Variants in GPR89A observed in about 807,000 individuals in gnomAD.
The protein encoded by GPR89A is golgi pH regulator A, also known as G protein-coupled receptor 89A.
In GPR89A, 16 loss-of-function variants were observed where a neutral mutation model predicts 52.0. The observed-to-expected ratio is 0.31, with a 90% CI of 0.21 to 0.47. GPR89A has a LOEUF of 0.47. Ranked by LOEUF, GPR89A falls within the 20% of genes least tolerant of loss-of-function variation. The pLI, the probability that GPR89A is intolerant of heterozygous loss-of-function variation, is 1.00. For missense variants in GPR89A, 135 were observed against 449.4 expected (o/e 0.30, Z 6.33); for synonymous variants, 55 against 150.9 (o/e 0.36, Z 4.66).
chr1:145,668,843 T>A (rs1226619950), intron 12 of GPR89A, among the ~76,000 whole-genome samples: 1 of 152,192 alleles, frequency 6.6e-6, no homozygotes, highest in Non-Finnish European at 1.5e-5. Flanking sequence ...GGTTTTTGTC[T>A]TTGGTTCTGT....
chr1:145,663,547 G>C (rs1652353972), intron 11 of GPR89A, 123 bp downstream of exon 11: 2 of 765,462 alleles, frequency 2.6e-6, no homozygotes, highest in South Asian at 4.0e-5. Flanking sequence ...TTCCCACTCT[G>C]TATATTTTGA....
intron 11 of GPR89A, among the ~76,000 whole-genome samples, chr1:145,663,760 A>G (rs1305688396): frequency 1.3e-5 from 2 of 152,158 alleles, no homozygotes; most frequent in East Asian, 1.9e-4. Context: ...AAAGTATTCA[A>G]ATACTTCTCT....
chr1:145,667,359 T>C (rs1194245035), intron 12 of GPR89A, among the ~76,000 whole-genome samples: 1 of 152,192 alleles, frequency 6.6e-6, no homozygotes, highest in Non-Finnish European at 1.5e-5. Context: ...TTTTTTCATG[T>C]GTCTGTTGGC....
intron 7 of GPR89A, among the ~76,000 whole-genome samples, chr1:145,632,699 TGAA>T (rs2101774255): frequency 6.6e-6 from 1 of 152,342 alleles, no homozygotes; most frequent in Admixed American, 6.5e-5. Context: ...AATACTGCAG[TGAA>T]CATAGGTGTA....
chr1:145,662,614 C>T (rs1571545293), intron 10 of GPR89A, among the ~76,000 whole-genome samples: 1 of 152,084 alleles, frequency 6.6e-6, no homozygotes, highest in Non-Finnish European at 1.5e-5. Flanking sequence ...CCAAACCTAA[C>T]CACTGCCTGC....
Position 145,636,955 on chromosome 1 carries a change from G to T in GPR89A, c.617+5211G>T, listed in dbSNP as rs1181964341. ...TTTAAAGGGGAAATTTTGGAAATGA[G>T]GGAAATGCAGAAGGACTAATATCCA... On this transcript the variant is annotated intron_variant, in intron 7 of 13. Coordinates refer to ENST00000313835, the MANE Select transcript of GPR89A (RefSeq NM_001097612.2). Among the ~76,000 whole-genome samples the T allele has an allele frequency of 5.3e-5, 8 of 152,194 alleles. No homozygotes were observed. In the South Asian group the frequency reaches 1.7e-3, roughly 32 times the overall value.
At chr1:145,632,373 T>C (rs1358980005) in intron 7 of GPR89A, among the ~76,000 whole-genome samples, 1 of 152,016 alleles carries the variant, frequency 6.6e-6, no homozygotes, top group African/African-American at 2.4e-5. Context: ...TAACTGAAGC[T>C]TTGTACCCTT....
At chr1:145,615,184 A>C (rs1459412810) in intron 1 of GPR89A, among the ~76,000 whole-genome samples, 3 of 152,172 alleles carry the variant, frequency 2.0e-5, no homozygotes, top group African/African-American at 7.2e-5. Context: ...TCGGCTTTAC[A>C]TTGAGATGAA....
intron 2 of GPR89A, 136 bp downstream of exon 2, chr1:145,616,429 T>C: frequency 1.3e-6 from 1 of 760,360 alleles, no homozygotes; most frequent in East Asian, 2.5e-5. Context: ...ACTATTAGAT[T>C]GCAGAATATA....
At chr1:145,613,550 A>G (rs191217863) in intron 1 of GPR89A, among the ~76,000 whole-genome samples, 3 of 152,122 alleles carry the variant, frequency 2.0e-5, no homozygotes, top group African/African-American at 7.2e-5. Flanking sequence ...ACTATAATCT[A>G]AGCTCCTTAG....
rs587646124 is a variant in GPR89A at position 145,613,691 on chromosome 1, T to C, written c.43-2543T>C. On this transcript the variant is annotated intron_variant, in intron 1 of 13. Transcript: ENST00000313835. ...GTGTAGTTCCCGGCATATACCATGCTATTCACTCTGCGCCTTTACTCATGC... is the reference window on the plus strand; with the variant it reads ...GTGTAGTTCCCGGCATATACCATGCCATTCACTCTGCGCCTTTACTCATGC... 4.9e-3 allele frequency among the ~76,000 whole-genome samples: 731 copies of C among 150,640 alleles called. 8 individuals carry two copies. Among genetic ancestry groups the C allele is most frequent in the African/African-American group, 0.017 (688 of 40,890 alleles).
At chr1:145,619,205 A>C (rs1417960576) in intron 3 of GPR89A, among the ~76,000 whole-genome samples, 2 of 151,930 alleles carry the variant, frequency 1.3e-5, no homozygotes, top group Non-Finnish European at 2.9e-5. Flanking sequence ...TAGAGAGACT[A>C]TACTCTCAAA....
chr1:145,649,405 C>T (rs143665631), intron 10 of GPR89A, among the ~76,000 whole-genome samples: 2,846 of 151,890 alleles, frequency 0.019, 39 homozygotes, highest in Non-Finnish European at 0.028. Context: ...CAGTATGTAT[C>T]CTTTTTCTGT....
At chr1:145,666,777 C>T (rs1359489421) in intron 12 of GPR89A, among the ~76,000 whole-genome samples, 2 of 145,102 alleles carry the variant, frequency 1.4e-5, no homozygotes, top group Non-Finnish European at 3.0e-5. Context: ...TTGTTCAGTT[C>T]CCACCTATGA....
chr1:145,614,466 G>A (rs1648521455), intron 1 of GPR89A, among the ~76,000 whole-genome samples: 2 of 152,266 alleles, frequency 1.3e-5, no homozygotes, highest in Non-Finnish European at 2.9e-5. Context: ...GCACGTAGGA[G>A]TTATTACAGA....
intron 10 of GPR89A, among the ~76,000 whole-genome samples, chr1:145,655,582 C>T (rs1651754915): frequency 6.6e-6 from 1 of 152,090 alleles, no homozygotes; most frequent in South Asian, 2.1e-4. Context: ...TGTTGGCGGT[C>T]GAATCCATAC....
At chr1:145,658,321 C>T (rs1308432104) in intron 10 of GPR89A, among the ~76,000 whole-genome samples, 1 of 146,708 alleles carries the variant, frequency 6.8e-6, no homozygotes, top group Non-Finnish European at 1.5e-5. Context: ...TATTTCATTC[C>T]TGGCCAGGCA....
At chr1:145,641,493 A>G (rs1448817158) in intron 7 of GPR89A, among the ~76,000 whole-genome samples, 2 of 150,762 alleles carry the variant, frequency 1.3e-5, no homozygotes, top group Non-Finnish European at 2.9e-5. Context: ...AAATCTGGGT[A>G]AAGGGTACAT....
In GPR89A at chr1:145,662,190, G is replaced by A. The variant is rs587616777; in HGVS notation, c.910-1139G>A. Among the ~76,000 whole-genome samples, 84 of 152,228 alleles carry A rather than the reference G, an allele frequency of 5.5e-4. No homozygotes were observed. The South Asian group carries it at 0.017, about 32-fold the overall frequency. ...TGACTAATTTTATCAGTTATTGAGA[G>A]AGGGGATCCAGCTATTGTGGATTTG... On this transcript the variant is annotated intron_variant, in intron 10 of 13. Coordinates refer to ENST00000313835, the MANE Select transcript of GPR89A (RefSeq NM_001097612.2).
Sources: gnomAD v4.1 joint callset for allele counts (sites outside exome capture counted in the v4.1 genomes callset) on GRCh38, gnomAD v4.1.1 for gene constraint, MANE v1.5 for transcripts, NCBI Gene and HGNC (gene_info 2026-07-23, HGNC 2026-07-21) for gene names.